The following ZNF724 variants were observed in gnomAD, a reference collection of about 807,000 sequenced individuals.
ZNF724 encodes zinc finger protein 724 pseudogene.
Under a neutral mutation model 29.3 loss-of-function variants are expected in ZNF724, and 14 were observed. That is an observed-to-expected ratio of 0.48 (90% CI 0.32 to 0.75). The LOEUF (loss-of-function observed/expected upper bound fraction) is 0.75, where lower values mean the gene tolerates loss of function less well. ZNF724 is among the 30% of genes least tolerant of loss of function. The pLI is 0.04. For missense variants in ZNF724, 557 were observed against 571.2 expected (o/e 0.98, Z 0.25); for synonymous variants, 180 against 193.6 (o/e 0.93, Z 0.58).
At chr19:23,243,823 T>C (rs1422839948) in intron 1 of ZNF724, among the ~76,000 whole-genome samples, 1 of 151,316 alleles carries the variant, frequency 6.6e-6, no homozygotes, top group African/African-American at 2.4e-5. Context: ...CTTGGGAGGC[T>C]GATGCAGGAG....
chr19:23,241,980 AAACCCTAG>A (rs1310655761), intron 1 of ZNF724, among the ~76,000 whole-genome samples: 2 of 152,210 alleles, frequency 1.3e-5, no homozygotes, highest in African/African-American at 4.8e-5. Flanking sequence ...AGTATCTAGA[AAACCCTAG>A]TTTTGGCAGA....
chr19:23,243,465 G>A (rs1428108278), intron 1 of ZNF724, among the ~76,000 whole-genome samples: 65 of 78,730 alleles, frequency 8.3e-4, no homozygotes, highest in African/African-American at 3.7e-3. Context: ...GACAGAGCGA[G>A]AGTCCATCTC....
At position 23,223,400 on chromosome 19, in the gene ZNF724, T is replaced by C. The variant is rs1971761042; in HGVS notation, c.845A>G (p.Tyr282Cys). ...AGCTTTGCCACATTCTTTACATTTG[T>C]AGGCATTCTCTCCAGTATGAATTAT... is the stretch of plus-strand genomic sequence containing the variant. ...HKIIHTGENA[Y>C]KCKECGKAFN... The change falls in exon 4 of 4, where the codon TAC becomes TGC. Residue 282 changes from tyrosine to cysteine, a missense_variant. Tyr to Cys is a radical substitution (Grantham distance 194). Around this residue, in one of 3 missense-constraint regions of ZNF724, gnomAD observed 362 missense variants for 295.5 expected, o/e 1.22. Transcript: ENST00000418100. 3 of 771,984 alleles carry C rather than the reference T, an allele frequency of 3.9e-6. No homozygotes were observed. Among genetic ancestry groups the C allele is most frequent in the Non-Finnish European group, 7.2e-6 (3 of 414,308 alleles). 47.8% of individuals were successfully genotyped at this position (771,984 alleles called of 1,614,324 possible). A position where few individuals can be genotyped will look rare whatever the true frequency, so the allele number is the denominator to read the frequency against.
In ZNF724 at chr19:23,223,906, T is replaced by A. The variant is rs1180580973; in HGVS notation, c.339A>T (p.Leu113Phe). 1.3e-6 allele frequency: 1 copy of A among 773,448 alleles called. No individual in the cohort carries two copies. The highest frequency in any genetic ancestry group is 2.4e-6 in the Non-Finnish European group (1 of 415,640). 47.9% of individuals were successfully genotyped at this position (773,448 alleles called of 1,614,324 possible). ...YEKCGHHNLQ[L>F]KKGYKSVDEY... Reference sequence around the variant, plus strand: ...CATCCACACTTTTATAGCCTTTTTTTAACTGTAAATTGTGATGTCCACATT... The same window carrying A: ...CATCCACACTTTTATAGCCTTTTTTAAACTGTAAATTGTGATGTCCACATT... The change falls in exon 4 of 4, where the codon TTA (leucine) becomes TTT (phenylalanine). Residue 113 changes from leucine (L) to phenylalanine (F), a missense_variant. Around this residue, in one of 3 missense-constraint regions of ZNF724, gnomAD observed 362 missense variants for 295.5 expected, o/e 1.22. Coordinates refer to ENST00000418100, the MANE Select transcript of ZNF724 (RefSeq NM_001355404.2).
intron 3 of ZNF724, among the ~76,000 whole-genome samples, chr19:23,228,668 G>A (rs896771239): frequency 6.6e-6 from 1 of 152,078 alleles, no homozygotes; most frequent in African/African-American, 2.4e-5. Context: ...GGGAGGCTAA[G>A]GCGGGAGGAT....
chr19:23,225,809 GTTAC>G (rs924408011), intron 3 of ZNF724, among the ~76,000 whole-genome samples: 1 of 152,188 alleles, frequency 6.6e-6, no homozygotes, highest in Admixed American at 6.5e-5. Flanking sequence ...ATGGGCAGTT[GTTAC>G]TTAATGGATA....
At chr19:23,240,958 C>T (rs1036272974) in intron 1 of ZNF724, among the ~76,000 whole-genome samples, 8 of 151,890 alleles carry the variant, frequency 5.3e-5, no homozygotes, top group African/African-American at 1.7e-4. Context: ...GCTTAAACCC[C>T]GGAGGCAGAG....
In ZNF724 at chr19:23,241,566, C is replaced by T. The variant is rs190131390; in HGVS notation, c.3+8674G>A. On this transcript the variant is annotated intron_variant, in intron 1 of 3. Transcript: ENST00000418100. The stretch of plus-strand genomic sequence containing the variant: ...TCTACTATAACCAAGTAGGCTTTAT[C>T]GCTGGAATGCAAGGTTGGTTCAACA... Among the ~76,000 whole-genome samples, 9 of 152,272 alleles carry T rather than the reference C, an allele frequency of 5.9e-5. No homozygotes were observed. In the East Asian group the frequency reaches 9.6e-4, roughly 16 times the overall value.
Position 23,224,001 on chromosome 19 carries a change from C to T in ZNF724, c.244G>A (p.Ala82Thr), listed in dbSNP as rs1467602989. The change falls in exon 4 of 4, where the codon GCC becomes ACC. Residue 82 changes from alanine to threonine, a missense_variant. Transcript: ENST00000418100. ...AKPPGMCCYF[A>T]QDLRPEQSIK... ...CTCTGCTCTGGCCGAAGGTCTTGGG[C>T]AAAATAACAACACATACCTGAAAGA... The T allele has an allele frequency of 1.5e-6, 1 of 660,644 alleles. No homozygotes were observed. The highest frequency in any genetic ancestry group is 2.7e-6 in the Non-Finnish European group (1 of 368,076). The allele number at this position is 660,644 out of a possible 1,614,324, so 40.9% of individuals were successfully genotyped here.
intron 1 of ZNF724, among the ~76,000 whole-genome samples, chr19:23,246,941 G>A (rs1324608859): frequency 1.3e-5 from 2 of 152,166 alleles, no homozygotes; most frequent in African/African-American, 4.8e-5. Context: ...CACCTGAGAA[G>A]GCTGGGCACG....
chr19:23,250,391 A>G lies in ZNF724; in HGVS notation c.-149T>C. The G allele has an allele frequency of 2.3e-6, 1 of 442,366 alleles. No homozygotes were observed. The highest frequency in any genetic ancestry group is 4.5e-6 in the Non-Finnish European group (1 of 219,980). 27.4% of individuals were successfully genotyped at this position (442,366 alleles called of 1,614,324 possible). ...GCGCTCCAGCTGCAGCGAGAGACAA[A>G]GGCCCCGCCAAATCCCGGAAGCCGC... is the stretch of plus-strand genomic sequence containing the variant. On this transcript the variant is annotated 5_prime_UTR_variant, in exon 1 of 4. Coordinates refer to ENST00000418100, the MANE Select transcript of ZNF724 (RefSeq NM_001355404.2).
intron 3 of ZNF724, among the ~76,000 whole-genome samples, chr19:23,228,473 T>C (rs2362801): frequency 0.85 from 127,602 of 149,604 alleles, 54,404 homozygotes; most frequent in South Asian, 0.93. Flanking sequence ...AAAAAAAGGC[T>C]GGGCGCAGTG....
intron 3 of ZNF724, among the ~76,000 whole-genome samples, chr19:23,228,454 CAAAA>C (rs35156216): frequency 1.0e-5 from 1 of 100,114 alleles, no homozygotes; most frequent in Non-Finnish European, 2.1e-5. Flanking sequence ...GACTTCGTCT[CAAAA>C]AAAAAAAAAA....
At chr19:23,248,152 G>A (rs1185853050) in intron 1 of ZNF724, among the ~76,000 whole-genome samples, 5 of 152,042 alleles carry the variant, frequency 3.3e-5, no homozygotes, top group African/African-American at 1.2e-4. Context: ...ACAGTGTCAG[G>A]GGATTACTCT....
At chr19:23,249,241 C>CTTTT (rs35301912) in intron 1 of ZNF724, among the ~76,000 whole-genome samples, 4 of 133,796 alleles carry the variant, frequency 3.0e-5, no homozygotes, top group South Asian at 2.4e-4. Context: ...CAGAGACTGC[C>CTTTT]TTTTTTTTTT....
chr19:23,222,531 TAA>T lies in ZNF724; in HGVS notation c.1712_1713del (p.Phe571Ter). On this transcript the variant is annotated frameshift_variant, in exon 4 of 4. Coordinates refer to ENST00000418100, the MANE Select transcript of ZNF724 (RefSeq NM_001355404.2). LOFTEE classifies it high-confidence loss of function. ...TGTTTAGTCAGAGTTGAGGACCAAT[TAA>T]AGGCTTTGCCACATTCTTCACATTT... ...PYKCEECGKAFNWSSTLTKHK... is the reference protein window; with the variant it reads ...PYKCEECGKAXNWSSTLTKHK... 1 of 1,355,890 alleles carries T rather than the reference TAA, an allele frequency of 7.4e-7. No homozygotes were observed. The highest frequency in any genetic ancestry group is 1.2e-5 in the South Asian group (1 of 85,538). 84.0% of individuals were successfully genotyped at this position (1,355,890 alleles called of 1,614,324 possible). A position where few individuals can be genotyped will look rare whatever the true frequency, so the allele number is the denominator to read the frequency against.
At chr19:23,248,786 A>G (rs7257860) in intron 1 of ZNF724, among the ~76,000 whole-genome samples, 129,387 of 151,908 alleles carry the variant, frequency 0.85, 55,143 homozygotes, top group South Asian at 0.93. Context: ...CCTGAGGTCA[A>G]AAGGTCGAGA....
chr19:23,231,428 G>C (rs933771917), intron 2 of ZNF724, 67 bp from the exon 3 acceptor site: 1 of 1,071,982 alleles, frequency 9.3e-7, no homozygotes, highest in Non-Finnish European at 1.3e-6. Context: ...TCAGTAAAAA[G>C]GGTGTAATTA....
Position 23,223,328 on chromosome 19 carries a change from C to G in ZNF724, c.917G>C (p.Gly306Ala). Residue 306 changes from glycine to alanine, a missense_variant, in exon 4 of 4, where the codon GGA becomes GCA. Gly to Ala is a moderately conservative substitution (Grantham distance 60). This residue lies in a region of ZNF724 where 362 missense variants were observed against 295.5 expected (regional missense o/e 1.22). Transcript: ENST00000418100. Reference sequence around the variant, plus strand: ...ATGTTCACATATGTAGGGCTTCTCTCCAGCATGAATTATCTTATGTCTAGT... The same window carrying G: ...ATGTTCACATATGTAGGGCTTCTCTGCAGCATGAATTATCTTATGTCTAGT... ...TLTRHKIIHA[G>A]EKPYICEHCG... The G allele has an allele frequency of 1.3e-6, 1 of 769,342 alleles. No individual in the cohort carries two copies. The allele number at this position is 769,342 out of a possible 1,614,324, so 47.7% of individuals were successfully genotyped here.
Sources: gnomAD v4.1 joint callset for allele counts (sites outside exome capture counted in the v4.1 genomes callset) on GRCh38, gnomAD v4.1.1 for gene constraint, gnomAD v4.1.1 regional missense constraint, MANE v1.5 for transcripts, NCBI Gene and HGNC (gene_info 2026-07-23, HGNC 2026-07-21) for gene names.